SOCS7: variants seen among roughly 807,000 people sequenced by gnomAD.
The protein encoded by SOCS7 is NAP-4.
SOCS7 carries 18 observed loss-of-function variants against 58.9 expected under a neutral mutation model. The observed-to-expected ratio is 0.31, with a 90% CI of 0.21 to 0.45. SOCS7 has a LOEUF of 0.45. SOCS7 is among the 20% of genes least tolerant of loss of function. The pLI is 1.00. For missense variants in SOCS7, 667 were observed against 837.3 expected, an observed-to-expected ratio of 0.80 and a Z score of 2.51; for synonymous variants, 388 against 364.3, an observed-to-expected ratio of 1.06 and a Z score of -0.74.
At chr17:38,372,295 A>G (rs554984326) in intron 6 of SOCS7, among the ~76,000 whole-genome samples, 51 of 152,344 alleles carry the variant, frequency 3.3e-4, no homozygotes, top group Admixed American at 5.2e-4. Context: ...ATCTGTTATA[A>G]AAAGTTAAAA....
intron 7 of SOCS7, among the ~76,000 whole-genome samples, chr17:38,389,599 C>A (rs1391689924): frequency 6.6e-6 from 1 of 150,856 alleles, no homozygotes. Context: ...ATATAAATTA[C>A]AAATATTTTC....
chr17:38,401,866 C>G lies in SOCS7; in HGVS notation c.*2384C>G, dbSNP rs1227795874. ...TTCTAGATGGAAGCTTCCCAGCCAC[C>G]AGGCAGACCTGAGTGCCAAGGGGTT... On this transcript the variant is annotated 3_prime_UTR_variant, in exon 10 of 10. Coordinates refer to ENST00000612932, the MANE Select transcript of SOCS7 (RefSeq NM_014598.4). 3 of 152,380 alleles carry G rather than the reference C, an allele frequency of 2.0e-5. No homozygotes were observed. Among genetic ancestry groups the G allele is most frequent in the Non-Finnish European group, 4.4e-5 (3 of 68,160 alleles). 9.4% of individuals were successfully genotyped at this position (152,380 alleles called of 1,614,324 possible). A position where few individuals can be genotyped will look rare whatever the true frequency, so the allele number is the denominator to read the frequency against.
chr17:38,396,283 G>A (rs1195015097), intron 9 of SOCS7, among the ~76,000 whole-genome samples: 1 of 152,222 alleles, frequency 6.6e-6, no homozygotes, highest in Non-Finnish European at 1.5e-5. Context: ...AGCTAAGAGT[G>A]CGGCCTCTGG....
At chr17:38,387,133 GTA>G (rs1191192504) in intron 7 of SOCS7, among the ~76,000 whole-genome samples, 27 of 73,440 alleles carry the variant, frequency 3.7e-4, no homozygotes, top group South Asian at 1.3e-3. Context: ...ATATATGTAT[GTA>G]TATATATATA....
At chr17:38,375,400 CCACTTTATGAT>C (rs1231784479) in intron 6 of SOCS7, among the ~76,000 whole-genome samples, 2 of 151,912 alleles carry the variant, frequency 1.3e-5, no homozygotes, top group African/African-American at 4.8e-5. Flanking sequence ...TTATGAAGAT[CCACTTTATGAT>C]CACTTTATGA....
At chr17:38,376,689 G>A (rs888891884) in intron 6 of SOCS7, among the ~76,000 whole-genome samples, 1 of 151,050 alleles carries the variant, frequency 6.6e-6, no homozygotes, top group African/African-American at 2.4e-5. Context: ...CCAAGATCAC[G>A]CCACTACACT....
At position 38,352,013 on chromosome 17, in the gene SOCS7, A is replaced by G. The variant is rs1194428658; in HGVS notation, c.-40A>G. 6.7e-6 allele frequency among the ~76,000 whole-genome samples: 1 copy of G among 150,350 alleles called. No individual in the cohort carries two copies. The highest frequency in any genetic ancestry group is 1.5e-5 in the Non-Finnish European group (1 of 67,416). On this transcript the variant is annotated 5_prime_UTR_variant, in exon 1 of 10. Transcript: ENST00000612932. The surrounding 1 kb of genome is among the most constrained non-coding windows in gnomAD (Gnocchi z 5.5). ...CGGGGCCCGGCCTAGTCCCCACCCC[A>G]GCCCGGCTCCCAGCCGCCCGCCCTC...
At chr17:38,398,631 T>G (rs1343687993) in intron 9 of SOCS7, among the ~76,000 whole-genome samples, 2 of 152,192 alleles carry the variant, frequency 1.3e-5, no homozygotes, top group Non-Finnish European at 2.9e-5. Context: ...CTGAATGGCC[T>G]GCTTGGTCTA....
Position 38,395,948 on chromosome 17 carries a change from G to A in SOCS7, c.1918G>A (p.Glu640Lys). Residue 640 changes from glutamate to lysine, a missense_variant, in exon 9 of 10, where the codon GAG becomes AAG. By Grantham distance (56) the Glu-to-Lys change is moderately conservative (BLOSUM62 1). Coordinates refer to ENST00000612932, the MANE Select transcript of SOCS7 (RefSeq NM_014598.4). ...GCAGCTCATTTCCAAACAGAAGCAAGAGGTGGAACCCTCCACGTAGCGAGG... is the reference window on the plus strand; with the variant it reads ...GCAGCTCATTTCCAAACAGAAGCAAAAGGTGGAACCCTCCACGTAGCGAGG... ...EAQLISKQKQEVEPST is the reference protein window; with the variant it reads ...EAQLISKQKQKVEPST 2 of 1,609,918 alleles carry A rather than the reference G, an allele frequency of 1.2e-6. No homozygotes were observed. The highest frequency in any genetic ancestry group is 1.7e-6 in the Non-Finnish European group (2 of 1,179,080).
chr17:38,389,900 C>CATATATAT (rs1263290062), intron 7 of SOCS7, among the ~76,000 whole-genome samples: 1,041 of 20,076 alleles, frequency 0.052, 96 homozygotes, highest in African/African-American at 0.075. Flanking sequence ...TATATATATA[C>CATATATAT]ACATATAGAG....
At chr17:38,356,189 C>T (rs971913552) in intron 1 of SOCS7, among the ~76,000 whole-genome samples, 1 of 152,026 alleles carries the variant, frequency 6.6e-6, no homozygotes, top group African/African-American at 2.4e-5. Flanking sequence ...CCAAGTCTGG[C>T]CAACTTAGAT....
Position 38,352,091 on chromosome 17 carries a change from G to T in SOCS7, c.39G>T (p.Ala13=). ...AGCTCCGGGATGGCGAGGCGGCGGC[G>T]GCGGCCGCTTCGTACCGCGTCCTGA... ...EAELRDGEAA[A]AAASYRVLSR... The change falls in exon 1 of 10, where the codon GCG becomes GCT. Residue 13 remains alanine, a synonymous_variant. Transcript: ENST00000612932. This position sits in a 1 kb window ranked among gnomAD's most constrained non-coding sequence, Gnocchi z 5.5. 1.8e-6 allele frequency: 1 copy of T among 543,306 alleles called. No individual in the cohort carries two copies. Among genetic ancestry groups the T allele is most frequent in the East Asian group, 4.2e-5 (1 of 23,914 alleles). 33.7% of individuals were successfully genotyped at this position (543,306 alleles called of 1,614,324 possible).
chr17:38,373,538 TCA>T (rs2037893822), intron 6 of SOCS7, among the ~76,000 whole-genome samples: 5 of 152,238 alleles, frequency 3.3e-5, no homozygotes, highest in African/African-American at 1.2e-4. Flanking sequence ...GGGTTAATAA[TCA>T]GGACTACCTT....
chr17:38,355,411 C>T (rs1234496037), intron 1 of SOCS7, among the ~76,000 whole-genome samples: 1 of 152,204 alleles, frequency 6.6e-6, no homozygotes, highest in Non-Finnish European at 1.5e-5. Context: ...AGCTTTTCGA[C>T]AGCTTACTAT....
rs959883815 is a variant in SOCS7, at chr17:38,356,531, A to AT, written c.980+3505dup. ...AGGTACACGCCACCACGCCTGGCTA[A>AT]TTTTTTGTATTTTAGTAGAGACGGC... On this transcript the variant is annotated intron_variant, in intron 1 of 9. Transcript: ENST00000612932. Among the ~76,000 whole-genome samples the AT allele has an allele frequency of 6.5e-4, 98 of 151,876 alleles. 1 individual carries two copies. Among genetic ancestry groups the AT allele is most frequent in the African/African-American group, 2.3e-3 (95 of 41,452 alleles).
intron 6 of SOCS7, among the ~76,000 whole-genome samples, chr17:38,372,191 A>C (rs1428432903): frequency 6.6e-6 from 1 of 152,192 alleles, no homozygotes; most frequent in Non-Finnish European, 1.5e-5. Context: ...GTAGCCTAGA[A>C]ATATCAAAAG....
In SOCS7 at chr17:38,404,851, C is replaced by A. The variant is rs562565986; in HGVS notation, c.*5369C>A. The A allele has an allele frequency of 5.2e-5, 8 of 152,404 alleles. No individual in the cohort carries two copies. The South Asian group carries it at 1.7e-3, about 32-fold the overall frequency. 9.4% of individuals were successfully genotyped at this position (152,404 alleles called of 1,614,324 possible). A position where few individuals can be genotyped will look rare whatever the true frequency, so the allele number is the denominator to read the frequency against. On this transcript the variant is annotated 3_prime_UTR_variant, in exon 10 of 10. Coordinates refer to ENST00000612932, the MANE Select transcript of SOCS7 (RefSeq NM_014598.4). Reference sequence around the variant, plus strand: ...CCAAGGGACAGGTAGGGTCCAGGTGCCACTTTGGGTAGCTGGCTGTTGGAA... The same window carrying A: ...CCAAGGGACAGGTAGGGTCCAGGTGACACTTTGGGTAGCTGGCTGTTGGAA...
At chr17:38,366,722 T>A (rs587762880) in intron 5 of SOCS7, among the ~76,000 whole-genome samples, 1 of 152,338 alleles carries the variant, frequency 6.6e-6, no homozygotes, top group Non-Finnish European at 1.5e-5. Flanking sequence ...CTTGAACTCC[T>A]GGGCTCAACG....
intron 7 of SOCS7, among the ~76,000 whole-genome samples, chr17:38,387,562 CATA>C (rs2038092264): frequency 7.6e-6 from 1 of 130,764 alleles, no homozygotes; most frequent in Admixed American, 7.9e-5. Context: ...ATACACAATA[CATA>C]ATATATATAC....
Sources: allele counts gnomAD v4.1 joint callset (sites outside exome capture counted in the v4.1 genomes callset), GRCh38; gene constraint gnomAD v4.1.1; non-coding constraint Gnocchi (gnomAD v3.1); transcripts MANE v1.5; gene names NCBI Gene and HGNC (gene_info 2026-07-23, HGNC 2026-07-21).